LUC7L3: variants seen among roughly 807,000 people sequenced by gnomAD.
LUC7L3 encodes LUC7 like 3 pre-mRNA splicing factor.
LUC7L3 carries 6 observed loss-of-function variants against 66.8 expected under a neutral mutation model. The ratio of observed to expected loss-of-function variants is 0.09; its 90% CI spans 0.05 to 0.18. The LOEUF is 0.18. LUC7L3 is among the 10% of genes least tolerant of loss of function. The probability of loss-of-function intolerance (pLI) is 1.00; values close to 1 mark genes in which losing one functional copy is unlikely to be tolerated. For synonymous variants in LUC7L3, 160 were observed against 174.7 expected, an observed-to-expected ratio of 0.92 and a Z score of 0.66; for missense variants, 341 against 531.1, an observed-to-expected ratio of 0.64 and a Z score of 3.52.
intron 1 of LUC7L3, among the ~76,000 whole-genome samples, chr17:50,721,228 T>A (rs1455307301): frequency 6.6e-6 from 1 of 152,182 alleles, no homozygotes; most frequent in Non-Finnish European, 1.5e-5. Flanking sequence ...TTCAATAGGT[T>A]ATTTGTATAT....
chr17:50,749,412 C>A (rs1014492969), intron 9 of LUC7L3: 1 of 1,195,716 alleles, frequency 8.4e-7, no homozygotes, highest in East Asian at 5.8e-5. Context: ...GCAAGTCTTG[C>A]GCTTAACTAC....
chr17:50,730,542 C>T (rs952595615), intron 1 of LUC7L3, among the ~76,000 whole-genome samples: 1 of 116,780 alleles, frequency 8.6e-6, no homozygotes, highest in Non-Finnish European at 1.8e-5. Flanking sequence ...AAAAAAAGAC[C>T]TAAAAATAGT....
intron 1 of LUC7L3, among the ~76,000 whole-genome samples, chr17:50,732,586 A>G (rs1308673455): frequency 2.7e-5 from 4 of 147,106 alleles, no homozygotes; most frequent in Admixed American, 2.7e-4. Context: ...TTTAGAGACA[A>G]GGTCTTACTA....
chr17:50,746,099 G>A (rs1426770697), intron 8 of LUC7L3, 96 bp downstream of exon 8: 2 of 1,427,778 alleles, frequency 1.4e-6, no homozygotes, highest in African/African-American at 1.4e-5. Flanking sequence ...TACTTGGGAA[G>A]CTCTTAAGCA....
intron 1 of LUC7L3, among the ~76,000 whole-genome samples, chr17:50,726,316 C>T (rs534281284): frequency 3.3e-5 from 5 of 152,184 alleles, no homozygotes; most frequent in South Asian, 2.1e-4. Context: ...GGATTACAGC[C>T]GTGTACCACC....
chr17:50,732,450 C>G (rs1280233657), intron 1 of LUC7L3, among the ~76,000 whole-genome samples: 1 of 152,130 alleles, frequency 6.6e-6, no homozygotes, highest in Non-Finnish European at 1.5e-5. Context: ...GGCATGATCA[C>G]CACTCACTGC....
rs1597876272 is a variant in LUC7L3, at chr17:50,719,643, G to A, written c.-90G>A. 9.0e-7 allele frequency: 1 copy of A among 1,113,046 alleles called. No homozygotes were observed. The highest frequency in any genetic ancestry group is 1.6e-5 in the African/African-American group (1 of 64,160). 68.9% of individuals were successfully genotyped at this position (1,113,046 alleles called of 1,614,324 possible). A position where few individuals can be genotyped will look rare whatever the true frequency, so the allele number is the denominator to read the frequency against. On this transcript the variant is annotated 5_prime_UTR_variant, in exon 1 of 10. Transcript: ENST00000505658. The stretch of plus-strand genomic sequence containing the variant: ...GTGTGTAGGAGGGATTTCGGCCTGA[G>A]AGCGGGCCGAGGAGATTGGCGACGG...
chr17:50,731,392 T>C (rs1567862091), intron 1 of LUC7L3, among the ~76,000 whole-genome samples: 1 of 152,178 alleles, frequency 6.6e-6, no homozygotes, highest in African/African-American at 2.4e-5. Context: ...GGTCTTGAAC[T>C]CCTGACCTCA....
At chr17:50,726,426 C>G (rs944070348) in intron 1 of LUC7L3, among the ~76,000 whole-genome samples, 4 of 152,164 alleles carry the variant, frequency 2.6e-5, no homozygotes, top group African/African-American at 9.7e-5. Flanking sequence ...CCCACCTTGG[C>G]CTCCCAAAGT....
chr17:50,733,550 C>T (rs917285214), intron 1 of LUC7L3, among the ~76,000 whole-genome samples: 3 of 151,832 alleles, frequency 2.0e-5, no homozygotes, highest in Admixed American at 1.3e-4. Flanking sequence ...TACAGGCGGC[C>T]GCTACCACGC....
chr17:50,739,857 A>T (rs1970235183), intron 2 of LUC7L3, among the ~76,000 whole-genome samples: 1 of 152,222 alleles, frequency 6.6e-6, no homozygotes, highest in African/African-American at 2.4e-5. Flanking sequence ...GAAGAAATAG[A>T]GAAGAGTTAA....
At chr17:50,737,102 AAAC>A (rs1240372578) in intron 2 of LUC7L3, 76 bp downstream of exon 2, 2 of 994,300 alleles carry the variant, frequency 2.0e-6, no homozygotes, top group Non-Finnish European at 3.0e-6. Flanking sequence ...GAAAGGAAAA[AAAC>A]TGATTATAAT....
In LUC7L3 at chr17:50,740,337, A is replaced by G. The variant is rs1270921292; in HGVS notation, c.198A>G (p.Leu66=). ...GPCEKIHDEN[L]RKQYEKSSRF... is the part of the protein sequence containing the mutation. ...GTGAAAAAATTCATGATGAAAATCT[A>G]CGAAAACAGTAAGTTATTTTGCTTG... The change falls in exon 3 of 10, where the codon CTA becomes CTG. Residue 66 remains leucine, a synonymous_variant. Coordinates refer to ENST00000505658, the MANE Select transcript of LUC7L3 (RefSeq NM_016424.5). The G allele has an allele frequency of 3.1e-6, 5 of 1,606,868 alleles. No individual in the cohort carries two copies. The highest frequency in any genetic ancestry group is 1.6e-4 in the Middle Eastern group (1 of 6,072).
At chr17:50,735,341 T>G (rs544349542) in intron 1 of LUC7L3, among the ~76,000 whole-genome samples, 139 of 152,256 alleles carry the variant, frequency 9.1e-4, no homozygotes, top group African/African-American at 3.1e-3. Context: ...TGGAACCACA[T>G]TGCTTCAAAT....
Position 50,752,347 on chromosome 17 carries a change from T to A in LUC7L3, c.*1686T>A. 1.5e-6 allele frequency: 1 copy of A among 679,504 alleles called. No individual in the cohort carries two copies. The highest frequency in any genetic ancestry group is 2.1e-6 in the Non-Finnish European group (1 of 480,380). 42.1% of individuals were successfully genotyped at this position (679,504 alleles called of 1,614,324 possible). On this transcript the variant is annotated 3_prime_UTR_variant, in exon 10 of 10. Coordinates refer to ENST00000505658, the MANE Select transcript of LUC7L3 (RefSeq NM_016424.5). ...TTTTATTATTATTATTATTAAAAGT[T>A]AATTCAGGACTGATGTGACCTACCA...
intron 1 of LUC7L3, among the ~76,000 whole-genome samples, chr17:50,734,249 C>T (rs1293116600): frequency 6.6e-6 from 1 of 151,650 alleles, no homozygotes; most frequent in Admixed American, 6.6e-5. Flanking sequence ...CTCACCGCAA[C>T]CTCCGCCTCC....
chr17:50,727,948 C>T (rs373847910), intron 1 of LUC7L3, among the ~76,000 whole-genome samples: 4 of 134,030 alleles, frequency 3.0e-5, no homozygotes, highest in Non-Finnish European at 6.5e-5. Context: ...ACTAAAAATA[C>T]AAAAAAAAAA....
At chr17:50,735,256 A>C (rs928352621) in intron 1 of LUC7L3, among the ~76,000 whole-genome samples, 1 of 151,672 alleles carries the variant, frequency 6.6e-6, no homozygotes, top group Non-Finnish European at 1.5e-5. Context: ...GAAAAAAAAA[A>C]CTTTCGTGTC....
intron 2 of LUC7L3, among the ~76,000 whole-genome samples, chr17:50,737,898 C>T (rs531440823): frequency 6.6e-6 from 1 of 152,236 alleles, no homozygotes; most frequent in South Asian, 2.1e-4. Flanking sequence ...AAGGATGGTA[C>T]ATAACCAGGA....
Sources: gnomAD v4.1 joint callset for allele counts (sites outside exome capture counted in the v4.1 genomes callset) on GRCh38, gnomAD v4.1.1 for gene constraint, MANE v1.5 for transcripts, NCBI Gene and HGNC (gene_info 2026-07-23, HGNC 2026-07-21) for gene names.